The following ROBO1 variants were observed in gnomAD, a reference collection of about 807,000 sequenced individuals.
ROBO1 encodes roundabout homolog 1.
ROBO1 carries 149 observed loss-of-function variants against 195.9 expected under a neutral mutation model. That is an observed-to-expected ratio of 0.76 (90% CI 0.67 to 0.87). ROBO1 has a LOEUF of 0.87. Ranked by LOEUF, ROBO1 falls within the 40% of genes least tolerant of loss-of-function variation. ROBO1 has a pLI of 0.00. For missense variants in ROBO1, 1,933 were observed against 2,068.3 expected (o/e 0.93, Z 1.27); for synonymous variants, 816 against 733.2 (o/e 1.11, Z -1.82).
At chr3:79,138,290 A>T (rs2080455547) in intron 2 of ROBO1, among the ~76,000 whole-genome samples, 1 of 152,148 alleles carries the variant, frequency 6.6e-6, no homozygotes, top group East Asian at 1.9e-4. Context: ...TACACAATCA[A>T]TACTTTTTTT....
At chr3:79,346,591 AG>A (rs1222789700) in intron 2 of ROBO1, among the ~76,000 whole-genome samples, 1 of 152,102 alleles carries the variant, frequency 6.6e-6, no homozygotes. Flanking sequence ...GAATATTTCT[AG>A]GAATTAATTT....
chr3:79,757,979 A>G (rs1704496633), intron 1 of ROBO1, among the ~76,000 whole-genome samples: 1 of 152,192 alleles, frequency 6.6e-6, no homozygotes, highest in Non-Finnish European at 1.5e-5. Context: ...TACCTTCTTG[A>G]TCAGGCTGAG....
chr3:78,759,966 C>T (rs173004), intron 4 of ROBO1, among the ~76,000 whole-genome samples: 147,054 of 152,254 alleles, frequency 0.97, 71,221 homozygotes, highest in East Asian at 1. Context: ...AAAACTACCA[C>T]GCTGATGTGG....
At chr3:79,184,057 C>A (rs2108740175) in intron 2 of ROBO1, among the ~76,000 whole-genome samples, 1 of 152,184 alleles carries the variant, frequency 6.6e-6, no homozygotes, top group South Asian at 2.1e-4. Context: ...CTTTTTGTTT[C>A]CTCCAGAATT....
At chr3:79,751,530 G>A (rs1183923940) in intron 1 of ROBO1, among the ~76,000 whole-genome samples, 1 of 152,068 alleles carries the variant, frequency 6.6e-6, no homozygotes, top group East Asian at 1.9e-4. Context: ...AAGTGCTATT[G>A]TTAAAGTCCA....
chr3:78,652,855 C>T (rs2217924), intron 18 of ROBO1, among the ~76,000 whole-genome samples: 132,929 of 151,872 alleles, frequency 0.88, 58,908 homozygotes, highest in East Asian at 0.97. Context: ...TAACACCCAG[C>T]CACACAAGGG....
intron 2 of ROBO1, among the ~76,000 whole-genome samples, chr3:79,285,668 C>G (rs2031842404): frequency 6.6e-6 from 1 of 152,024 alleles, no homozygotes; most frequent in South Asian, 2.1e-4. Context: ...TGAAATTCAC[C>G]CTAAGGGAGG....
chr3:79,749,057 C>T (rs1379489365), intron 1 of ROBO1, among the ~76,000 whole-genome samples: 2 of 152,144 alleles, frequency 1.3e-5, no homozygotes, highest in Non-Finnish European at 2.9e-5. Flanking sequence ...AAGTTTGGAA[C>T]TCCCTAGAGA....
In ROBO1 at chr3:79,594,839, C is replaced by T. The variant is rs543571135; in HGVS notation, c.-50-4878G>A. On this transcript the variant is annotated intron_variant, in intron 1 of 30. Coordinates refer to ENST00000464233, the MANE Select transcript of ROBO1 (RefSeq NM_002941.4). ...CGGTGAAATTCCTCCAGGGTAATGACGGAACCAATTGTGTATTTGTATTTG... is the reference window on the plus strand; with the variant it reads ...CGGTGAAATTCCTCCAGGGTAATGATGGAACCAATTGTGTATTTGTATTTG... Among the ~76,000 whole-genome samples the T allele has an allele frequency of 2.0e-3, 297 of 152,026 alleles. 1 individual carries two copies. Among genetic ancestry groups the T allele is most frequent in the African/African-American group, 6.8e-3 (284 of 41,504 alleles).
chr3:79,756,261 C>A (rs1315406238), intron 1 of ROBO1, among the ~76,000 whole-genome samples: 1 of 151,876 alleles, frequency 6.6e-6, no homozygotes, highest in Non-Finnish European at 1.5e-5. Flanking sequence ...ATTAGAAGTA[C>A]ACATATTGGG....
rs149906830 is a variant in ROBO1 at position 79,586,492 on chromosome 3, A to G, written c.88+3332T>C. On this transcript the variant is annotated intron_variant, in intron 2 of 30. Transcript: ENST00000464233. Reference sequence around the variant, plus strand: ...GCACTTGCATCTTTAATGAAGGACAACACTGCTGCACATTTAGAGTATGGA... The same window carrying G: ...GCACTTGCATCTTTAATGAAGGACAGCACTGCTGCACATTTAGAGTATGGA... Among the ~76,000 whole-genome samples, 17 of 152,068 alleles carry G rather than the reference A, an allele frequency of 1.1e-4. No homozygotes were observed. In the East Asian group the frequency reaches 2.3e-3, roughly 21 times the overall value.
chr3:79,357,483 G>A (rs2035603747), intron 2 of ROBO1, among the ~76,000 whole-genome samples: 1 of 152,030 alleles, frequency 6.6e-6, no homozygotes, highest in Admixed American at 6.6e-5. Flanking sequence ...AGGAGGTCAT[G>A]GTTTATATAG....
rs996753168 is a variant in ROBO1, at chr3:79,510,187, G to A, written c.88+79637C>T. On this transcript the variant is annotated intron_variant, in intron 2 of 30. Transcript: ENST00000464233. ...GAATTGTAGTTACCATAATCCCCACGTCATGGGAGGCACCGGATAGGAGGT... is the reference window on the plus strand; with the variant it reads ...GAATTGTAGTTACCATAATCCCCACATCATGGGAGGCACCGGATAGGAGGT... Among the ~76,000 whole-genome samples the A allele has an allele frequency of 2.0e-5, 3 of 152,248 alleles. No individual in the cohort carries two copies. The Middle Eastern group carries it at 0.01, about 518-fold the overall frequency.
chr3:78,757,710 T>C (rs780494726), intron 4 of ROBO1, among the ~76,000 whole-genome samples: 2 of 152,094 alleles, frequency 1.3e-5, no homozygotes, highest in Non-Finnish European at 2.9e-5. Context: ...TGAAGCATAA[T>C]TAAGGTTGCC....
intron 1 of ROBO1, among the ~76,000 whole-genome samples, chr3:79,645,781 C>G (rs572745693): frequency 6.6e-6 from 1 of 151,976 alleles, no homozygotes; most frequent in African/African-American, 2.4e-5. Context: ...GACAGACAGA[C>G]CAAGAAAACA....
chr3:79,632,100 A>C (rs1290048265), intron 1 of ROBO1, among the ~76,000 whole-genome samples: 1 of 152,170 alleles, frequency 6.6e-6, no homozygotes, highest in Non-Finnish European at 1.5e-5. Flanking sequence ...AAATAAAACT[A>C]CCATTCGACC....
At chr3:79,751,365 A>C (rs1329130487) in intron 1 of ROBO1, among the ~76,000 whole-genome samples, 2 of 152,166 alleles carry the variant, frequency 1.3e-5, no homozygotes, top group East Asian at 3.8e-4. Context: ...ATGTCTTGAG[A>C]TTGAAAATAT....
intron 2 of ROBO1, among the ~76,000 whole-genome samples, chr3:79,285,009 G>C: frequency 6.6e-6 from 1 of 151,948 alleles, no homozygotes. Context: ...AATTTCCCAT[G>C]CTTACTCATA....
intron 1 of ROBO1, among the ~76,000 whole-genome samples, chr3:79,612,392 G>C (rs1342937939): frequency 2.0e-5 from 3 of 148,792 alleles, no homozygotes; most frequent in African/African-American, 7.4e-5. Flanking sequence ...GTATTCCATG[G>C]TGTATATGTG....
Sources: gnomAD v4.1 joint callset for allele counts (sites outside exome capture counted in the v4.1 genomes callset) on GRCh38, gnomAD v4.1.1 for gene constraint, MANE v1.5 for transcripts, NCBI Gene and HGNC (gene_info 2026-07-23, HGNC 2026-07-21) for gene names.